The following NCOR2 variants were observed in gnomAD, a reference collection of about 807,000 sequenced individuals.
The protein encoded by NCOR2 is CTG repeat protein 26.
A neutral mutation model predicts 262.9 loss-of-function variants in NCOR2; 81 were observed. The observed-to-expected ratio is 0.31, with a 90% CI of 0.26 to 0.37. The LOEUF (loss-of-function observed/expected upper bound fraction) is 0.37. Among genes scored for constraint, NCOR2 ranks in the 10% least tolerant of loss-of-function variants. The pLI, the probability that NCOR2 is intolerant of heterozygous loss-of-function variation, is 1.00. For synonymous variants in NCOR2, 1,659 were observed against 1,559.3 expected, an observed-to-expected ratio of 1.06 and a Z score of -1.51; for missense variants, 3,385 against 3,621.4, an observed-to-expected ratio of 0.93 and a Z score of 1.68.
At chr12:124,435,044 C>T (rs915862316) in intron 8 of NCOR2, among the ~76,000 whole-genome samples, 2 of 152,210 alleles carry the variant, frequency 1.3e-5, no homozygotes, top group Non-Finnish European at 2.9e-5. Context: ...TGTTTCCACG[C>T]GACCTGGCTC....
rs1402500348 is a variant in NCOR2, at chr12:124,374,469, AG to A, written c.2168-7del. On this transcript the variant is annotated splice_region_variant and splice_polypyrimidine_tract_variant and intron_variant, in intron 18 of 46. Transcript: ENST00000405201. ...ATTCCCAGAGGCATGTAAGGCTGGAAGGAAGTCAGAGAAGAGTTAGAAGTGA... is the reference window on the plus strand; with the variant it reads ...ATTCCCAGAGGCATGTAAGGCTGGAAGAAGTCAGAGAAGAGTTAGAAGTGA... The A allele has an allele frequency of 6.2e-7, 1 of 1,611,876 alleles. No individual in the cohort carries two copies. The highest frequency in any genetic ancestry group is 1.3e-5 in the African/African-American group (1 of 74,914).
rs775128650 is a variant in NCOR2, at chr12:124,348,354, G to A, written c.3845-40C>T. The A allele has an allele frequency of 3.2e-5, 50 of 1,569,360 alleles. No homozygotes were observed. The Admixed American group carries it at 4.1e-4, about 13-fold the overall frequency. Reference sequence around the variant, plus strand: ...AAGCACTCGGTGAGGAGCTGGGCACGGGCCCAGGACCACGGTGGGCAGGCA... The same window carrying A: ...AAGCACTCGGTGAGGAGCTGGGCACAGGCCCAGGACCACGGTGGGCAGGCA... On this transcript the variant is annotated intron_variant, in intron 28 of 46. Transcript: ENST00000405201.
chr12:124,336,577 A>C (rs895308342), intron 38 of NCOR2, 176 bp downstream of exon 40: 1 of 978,666 alleles, frequency 1.0e-6, no homozygotes, highest in African/African-American at 1.8e-5. Context: ...CAAAGTAAAA[A>C]GCAGAGATCT....
intron 17 of NCOR2, among the ~76,000 whole-genome samples, chr12:124,385,429 G>A (rs1425279805): frequency 2.0e-5 from 3 of 152,180 alleles, no homozygotes; most frequent in Admixed American, 6.5e-5. Flanking sequence ...GGTCCACCGC[G>A]CTCCTTCCCC....
chr12:124,370,829 A>G (rs4765557), intron 20 of NCOR2, among the ~76,000 whole-genome samples: 147,157 of 152,222 alleles, frequency 0.97, 71,226 homozygotes, highest in Non-Finnish European at 0.99. Context: ...AAACAGGACG[A>G]CACTGGGGTC....
chr12:124,420,183 G>T, intron 12 of NCOR2, 128 bp from the exon 15 acceptor site: 1 of 667,344 alleles, frequency 1.5e-6, no homozygotes, highest in Non-Finnish European at 2.6e-6. Context: ...TCGGACAGAT[G>T]ACCTAACCTC....
At chr12:124,426,699 G>T in exon 11 of NCOR2, 1 of 1,611,726 alleles carries the variant, frequency 6.2e-7, no homozygotes, top group Non-Finnish European at 8.5e-7. Context: ...TCATGGGGTC[G>T]GCCATAAGCC....
At chr12:124,552,985 C>T (rs549719650) in intron 1 of NCOR2, among the ~76,000 whole-genome samples, 65 of 152,226 alleles carry the variant, frequency 4.3e-4, no homozygotes, top group Non-Finnish European at 8.4e-4. Flanking sequence ...CGTGCCCAGC[C>T]AGCATAAGTT....
At chr12:124,427,539 C>A (rs1397851110) in intron 10 of NCOR2, among the ~76,000 whole-genome samples, 1 of 152,214 alleles carries the variant, frequency 6.6e-6, no homozygotes, top group Non-Finnish European at 1.5e-5. Flanking sequence ...CCAGTTCAAA[C>A]GATCCAGCTG....
At chr12:124,558,872 G>A (rs934098391) in intron 1 of NCOR2, among the ~76,000 whole-genome samples, 1 of 152,136 alleles carries the variant, frequency 6.6e-6, no homozygotes. Flanking sequence ...TCACCGCCAG[G>A]GAAACTGAGG....
rs2040161947 is a variant in NCOR2 at position 124,378,117 on chromosome 12, T to C, written c.2167+120A>G. 16 of 1,510,686 alleles carry C rather than the reference T, an allele frequency of 1.1e-5. No individual in the cohort carries two copies. The highest frequency in any genetic ancestry group is 1.4e-5 in the Non-Finnish European group (16 of 1,134,142). 93.6% of individuals were successfully genotyped at this position (1,510,686 alleles called of 1,614,324 possible). ...CACCTTCCAGGGAGTCGAGGCCCCT[T>C]CTAAGGAGGACCCAGATGACTCAGG... On this transcript the variant is annotated intron_variant, in intron 18 of 46. Transcript: ENST00000405201. This position sits in a 1 kb window ranked among gnomAD's most constrained non-coding sequence, Gnocchi z 4.2.
At chr12:124,557,419 C>T (rs2051918091) in intron 1 of NCOR2, among the ~76,000 whole-genome samples, 1 of 152,222 alleles carries the variant, frequency 6.6e-6, no homozygotes, top group Admixed American at 6.5e-5. Flanking sequence ...GGCTTCCAGC[C>T]ACATCGCTCC....
chr12:124,341,702 T>C, intron 34 of NCOR2, 121 bp downstream of exon 36: 1 of 1,455,626 alleles, frequency 6.9e-7, no homozygotes, highest in South Asian at 1.3e-5. Flanking sequence ...CTCAGGTCCG[T>C]TCACACAAGG....
chr12:124,556,987 G>A (rs994014342), intron 1 of NCOR2, among the ~76,000 whole-genome samples: 4 of 152,382 alleles, frequency 2.6e-5, no homozygotes, highest in African/African-American at 9.6e-5. Flanking sequence ...GAGAAACAGC[G>A]AGGCCGGTGT....
chr12:124,445,953 A>C (rs527653072), intron 7 of NCOR2, among the ~76,000 whole-genome samples: 62 of 152,364 alleles, frequency 4.1e-4, no homozygotes, highest in Non-Finnish European at 6.3e-4. Flanking sequence ...GACTTCCCAC[A>C]GGGACACACA....
chr12:124,326,834 T>C (rs550129867), intron 45 of NCOR2, among the ~76,000 whole-genome samples: 2 of 150,470 alleles, frequency 1.3e-5, no homozygotes, highest in African/African-American at 4.9e-5. Context: ...AGTGTCCAGG[T>C]TGGACAACTG....
chr12:124,402,156 A>AT (rs2042017556), intron 14 of NCOR2, among the ~76,000 whole-genome samples: 1 of 152,280 alleles, frequency 6.6e-6, no homozygotes, highest in Admixed American at 6.5e-5. Context: ...ATCAGTCTCT[A>AT]AAGTCTCCAG....
chr12:124,346,963 G>T (rs753124848), intron 30 of NCOR2, 113 bp from the exon 33 acceptor site: 10 of 1,274,706 alleles, frequency 7.8e-6, no homozygotes, highest in Non-Finnish European at 1.0e-5. Flanking sequence ...CCCACTTGCT[G>T]TGTGACCTTG....
intron 1 of NCOR2, among the ~76,000 whole-genome samples, chr12:124,565,983 C>A (rs1194981554): frequency 6.6e-6 from 1 of 152,092 alleles, no homozygotes; most frequent in African/African-American, 2.4e-5. Context: ...GCAGTCTGGC[C>A]CGGAGAGCCC....
Sources: allele counts gnomAD v4.1 joint callset (sites outside exome capture counted in the v4.1 genomes callset), GRCh38; gene constraint gnomAD v4.1.1; non-coding constraint Gnocchi (gnomAD v3.1); transcripts MANE v1.5; gene names NCBI Gene and HGNC (gene_info 2026-07-23, HGNC 2026-07-21).